The following RBM25 variants were observed in gnomAD, a reference collection of about 807,000 sequenced individuals.
The protein encoded by RBM25 is RNA-binding protein 25.
In RBM25, 19 loss-of-function variants were observed where a neutral mutation model predicts 120.7. The observed-to-expected ratio is 0.16, with a 90% confidence interval of 0.11 to 0.23. RBM25 has a LOEUF of 0.23. RBM25 is among the 10% of genes least tolerant of loss of function. RBM25 has a pLI of 1.00. For missense variants in RBM25, 605 were observed against 1,041.5 expected (o/e 0.58, Z 5.77); for synonymous variants, 390 against 326.7 (o/e 1.19, Z -2.09).
At chr14:73,090,202 C>T (rs932542191) in intron 6 of RBM25, among the ~76,000 whole-genome samples, 15 of 152,076 alleles carry the variant, frequency 9.9e-5, no homozygotes, top group Non-Finnish European at 5.9e-5. Context: ...AGGCACCCGC[C>T]ACCACCCCCA....
Position 73,112,235 on chromosome 14 carries a change from T to C in RBM25, c.2376T>C (p.Asp792=), listed in dbSNP as rs748520573. 2 of 1,604,586 alleles carry C rather than the reference T, an allele frequency of 1.2e-6. No homozygotes were observed. The highest frequency in any genetic ancestry group is 2.3e-5 in the South Asian group (2 of 88,110). The change falls in exon 17 of 19, where the codon GAT becomes GAC. Residue 792 remains aspartate, a synonymous_variant. Coordinates refer to ENST00000261973, the MANE Select transcript of RBM25 (RefSeq NM_021239.3). ...YIGEEEATLV[D]FVCSKVMAHS... is the part of the protein sequence containing the mutation. ...GTGAAGAAGAAGCTACATTAGTTGA[T>C]TTTGTTTGTTCTAAGGTTAGTCTTC...
At chr14:73,086,222 C>T (rs758277925) in intron 5 of RBM25, among the ~76,000 whole-genome samples, 1 of 151,492 alleles carries the variant, frequency 6.6e-6, no homozygotes. Context: ...CTGAGGCAGG[C>T]GGGTCAAGAG....
chr14:73,102,587 T>A (rs1361506668), intron 9 of RBM25: 1 of 152,244 alleles, frequency 6.6e-6, no homozygotes, highest in African/African-American at 2.4e-5. Flanking sequence ...TTTCAAACTT[T>A]TTGTATTTGG....
At chr14:73,088,410 T>A (rs1450030645) in intron 6 of RBM25, 2 of 603,022 alleles carry the variant, frequency 3.3e-6, no homozygotes, top group Non-Finnish European at 6.2e-6. Flanking sequence ...CAAGGTTAAC[T>A]TGCCAGAGAA....
intron 5 of RBM25, among the ~76,000 whole-genome samples, chr14:73,086,361 C>T (rs1217180349): frequency 6.6e-6 from 1 of 151,612 alleles, no homozygotes; most frequent in African/African-American, 2.4e-5. Context: ...TCGCTTCAAC[C>T]CGGGAGGCAG....
intron 10 of RBM25, 108 bp downstream of exon 10, chr14:73,103,586 G>T: frequency 6.9e-7 from 1 of 1,445,202 alleles, no homozygotes; most frequent in Non-Finnish European, 9.1e-7. Flanking sequence ...GTGTGTGTGT[G>T]AGACATTCTC....
chr14:73,097,176 T>A, intron 7 of RBM25, 76 bp downstream of exon 7: 1 of 948,326 alleles, frequency 1.1e-6, no homozygotes, highest in East Asian at 3.1e-5. Flanking sequence ...TGATTACATG[T>A]CAGTTTTCTT....
rs214285 is a variant in RBM25, at chr14:73,123,502, G to A, written c.*3697G>A. 1 allele frequency: 152,033 copies of A among 152,284 alleles called. 75,891 individuals carry two copies. The highest frequency in any genetic ancestry group is 1 in the Middle Eastern group (294 of 294). 9.4% of individuals were successfully genotyped at this position (152,284 alleles called of 1,614,324 possible). A position where few individuals can be genotyped will look rare whatever the true frequency, so the allele number is the denominator to read the frequency against. ...TTTTGCTCAACAAAAGATGATGAGG[G>A]ATTGATTTGTGAATGTCACTGGAGA... On this transcript the variant is annotated 3_prime_UTR_variant, in exon 19 of 19. Coordinates refer to ENST00000261973, the MANE Select transcript of RBM25 (RefSeq NM_021239.3).
intron 6 of RBM25, among the ~76,000 whole-genome samples, chr14:73,093,854 G>A (rs1168500906): frequency 2.6e-5 from 4 of 151,094 alleles, no homozygotes; most frequent in African/African-American, 9.7e-5. Flanking sequence ...AGAAAATCGT[G>A]TATAGTTGAT....
chr14:73,067,850 C>T lies in RBM25; in HGVS notation c.-15-3777C>T, dbSNP rs923119532. Among the ~76,000 whole-genome samples, 13 of 151,772 alleles carry T rather than the reference C, an allele frequency of 8.6e-5. No individual in the cohort carries two copies. In the East Asian group the frequency reaches 9.6e-4, roughly 11 times the overall value. ...TCCTGACCTCGTGATCCACCCGCTTCGGCCTCCCAAAGTGCTGGGATTACA... is the reference window on the plus strand; with the variant it reads ...TCCTGACCTCGTGATCCACCCGCTTTGGCCTCCCAAAGTGCTGGGATTACA... On this transcript the variant is annotated intron_variant, in intron 1 of 18. Coordinates refer to ENST00000261973, the MANE Select transcript of RBM25 (RefSeq NM_021239.3).
intron 1 of RBM25, among the ~76,000 whole-genome samples, chr14:73,071,113 G>C (rs564379658): frequency 2.0e-5 from 3 of 151,858 alleles, no homozygotes; most frequent in Non-Finnish European, 4.4e-5. Context: ...GTGGTGGTAC[G>C]CTCCTGTAGT....
chr14:73,113,574 C>T (rs1896360954), intron 17 of RBM25, among the ~76,000 whole-genome samples: 1 of 151,752 alleles, frequency 6.6e-6, no homozygotes, highest in African/African-American at 2.4e-5. Flanking sequence ...ACCTGTAATC[C>T]CAGCTACTCG....
At chr14:73,076,496 TG>T (rs1452681459) in intron 3 of RBM25, 128 bp downstream of exon 3, 5 of 776,926 alleles carry the variant, frequency 6.4e-6, no homozygotes, top group Non-Finnish European at 1.0e-5. Flanking sequence ...ACAGCACCCC[TG>T]TAGAGCATAT....
At position 73,103,269 on chromosome 14, in the gene RBM25, G is replaced by A. The variant is rs779306618; in HGVS notation, c.945G>A (p.Glu315=). The A allele has an allele frequency of 1.9e-6, 3 of 1,594,782 alleles. No individual in the cohort carries two copies. The highest frequency in any genetic ancestry group is 2.2e-5 in the South Asian group (2 of 89,340). Residue 315 remains glutamate (E), a synonymous_variant, in exon 10 of 19, where the codon GAG becomes GAA. Coordinates refer to ENST00000261973, the MANE Select transcript of RBM25 (RefSeq NM_021239.3). ...AAGAACGGAGAGAAAGAGAGAGGGA[G>A]CGTGAAAGGGAACGAGAAAGGCGAG... is the stretch of plus-strand genomic sequence containing the variant. ...IEKERRERER[E]RERERERRER...
chr14:73,106,390 A>C, intron 12 of RBM25, 105 bp downstream of exon 12: 1 of 870,126 alleles, frequency 1.1e-6, no homozygotes, highest in Non-Finnish European at 1.6e-6. Context: ...AAGCTTCTCT[A>C]TTCATGTATA....
At chr14:73,090,473 G>A (rs1772817289) in intron 6 of RBM25, among the ~76,000 whole-genome samples, 1 of 152,084 alleles carries the variant, frequency 6.6e-6, no homozygotes, top group Admixed American at 6.6e-5. Flanking sequence ...TTGCTTTGCT[G>A]GCATCTCATG....
intron 6 of RBM25, among the ~76,000 whole-genome samples, chr14:73,094,139 G>T (rs1171833791): frequency 6.6e-6 from 1 of 151,320 alleles, no homozygotes; most frequent in Non-Finnish European, 1.5e-5. Context: ...ATTTTTGGTA[G>T]AGACGGGGTT....
In RBM25 at chr14:73,088,181, A is replaced by G; in HGVS notation, c.543+20A>G. On this transcript the variant is annotated intron_variant, in intron 6 of 18. Transcript: ENST00000261973. ...AATGGGGTATGTTTTCTGTCGTGTT[A>G]TCTTTTCTAGGCCAGACTGTGCTAT... The G allele has an allele frequency of 1.9e-6, 3 of 1,613,524 alleles. No individual in the cohort carries two copies. Among genetic ancestry groups the G allele is most frequent in the South Asian group, 2.2e-5 (2 of 91,022 alleles).
At chr14:73,071,477 T>C in intron 1 of RBM25, 150 bp from the exon 2 acceptor site, 1 of 611,692 alleles carries the variant, frequency 1.6e-6, no homozygotes, top group Non-Finnish European at 2.9e-6. Flanking sequence ...GTCGTAAGAA[T>C]TCTCAATGAA....
Sources: gnomAD v4.1 joint callset for allele counts (sites outside exome capture counted in the v4.1 genomes callset) on GRCh38, gnomAD v4.1.1 for gene constraint, MANE v1.5 for transcripts, NCBI Gene and HGNC (gene_info 2026-07-23, HGNC 2026-07-21) for gene names.